The following SEPHS1 variants were observed in gnomAD, a reference collection of about 807,000 sequenced individuals.
SEPHS1 encodes the protein selenophosphate synthetase 1, also known as zincore component SEPHS1.
Under a neutral mutation model 39.2 loss-of-function variants are expected in SEPHS1, and 7 were observed. That is an observed-to-expected ratio of 0.18 (90% CI 0.10 to 0.34). The LOEUF is 0.34. Ranked by LOEUF, SEPHS1 falls within the 10% of genes least tolerant of loss-of-function variation. SEPHS1 has a pLI of 1.00. For missense variants in SEPHS1, 253 were observed against 514.5 expected (o/e 0.49, Z 4.92); for synonymous variants, 190 against 195.5 (o/e 0.97, Z 0.23).
chr10:13,337,205 A>G (rs975165637), intron 3 of SEPHS1, among the ~76,000 whole-genome samples: 2 of 152,188 alleles, frequency 1.3e-5, no homozygotes, highest in Non-Finnish European at 2.9e-5. Context: ...TCAAGGATGT[A>G]TGAGATAAAC....
intron 1 of SEPHS1, among the ~76,000 whole-genome samples, chr10:13,346,198 C>T: frequency 6.6e-6 from 1 of 152,214 alleles, no homozygotes; most frequent in East Asian, 1.9e-4. Context: ...CTGGAACAAG[C>T]ACTCCTACGT....
At chr10:13,328,325 C>G (rs371046448) in intron 7 of SEPHS1, 26 bp downstream of exon 7, 34 of 1,492,364 alleles carry the variant, frequency 2.3e-5, no homozygotes, top group Non-Finnish European at 2.7e-5. Flanking sequence ...CCCCTGGGAC[C>G]GAAGCGCCCT....
Position 13,319,098 on chromosome 10 carries a change from T to C in SEPHS1, c.*44A>G, listed in dbSNP as rs185568518. The C allele has an allele frequency of 6.9e-5, 108 of 1,564,218 alleles. No homozygotes were observed. Among genetic ancestry groups the C allele is most frequent in the African/African-American group, 8.1e-5 (6 of 73,764 alleles). ...TCTTTAATTGAAGTGATAAGGGAAA[T>C]AGATCTATTTAAAAACAAAACCAAA... On this transcript the variant is annotated 3_prime_UTR_variant, in exon 9 of 9. Coordinates refer to ENST00000327347, the MANE Select transcript of SEPHS1 (RefSeq NM_012247.5).
At chr10:13,342,128 A>G (rs1015971590) in intron 2 of SEPHS1, among the ~76,000 whole-genome samples, 4 of 150,982 alleles carry the variant, frequency 2.6e-5, no homozygotes, top group South Asian at 2.1e-4. Flanking sequence ...TTAGCCAGGC[A>G]TGGTGGCGGG....
intron 4 of SEPHS1, among the ~76,000 whole-genome samples, chr10:13,334,240 C>T: frequency 6.6e-6 from 1 of 151,938 alleles, no homozygotes; most frequent in East Asian, 1.9e-4. Flanking sequence ...CTCTACGAAA[C>T]ATGTAAAAAT....
At chr10:13,339,906 T>C (rs1050354585) in intron 2 of SEPHS1, among the ~76,000 whole-genome samples, 1 of 152,194 alleles carries the variant, frequency 6.6e-6, no homozygotes, top group Non-Finnish European at 1.5e-5. Context: ...CTGTGGTTGG[T>C]TGAATCCCCC....
At chr10:13,328,528 C>T (rs1047501962) in intron 6 of SEPHS1, 78 bp from the exon 7 acceptor site, 112 of 1,012,786 alleles carry the variant, frequency 1.1e-4, no homozygotes, top group Non-Finnish European at 1.5e-4. Context: ...CTGAGAAAAA[C>T]AGCAACTTTT....
intron 8 of SEPHS1, among the ~76,000 whole-genome samples, 170 bp downstream of exon 8, chr10:13,322,665 G>A (rs998203707): frequency 1.3e-5 from 2 of 152,184 alleles, no homozygotes; most frequent in Non-Finnish European, 2.9e-5. Context: ...CAGGATGGCG[G>A]GGACCAGACC....
At chr10:13,345,761 C>G (rs1194655138) in intron 1 of SEPHS1, among the ~76,000 whole-genome samples, 3 of 152,202 alleles carry the variant, frequency 2.0e-5, no homozygotes, top group Non-Finnish European at 4.4e-5. Flanking sequence ...CCTGTAATCC[C>G]AGCTACTTGG....
intron 4 of SEPHS1, among the ~76,000 whole-genome samples, chr10:13,335,444 T>C (rs1833598118): frequency 6.6e-6 from 1 of 151,662 alleles, no homozygotes; most frequent in Non-Finnish European, 1.5e-5. Flanking sequence ...AGTGGGTGGA[T>C]CACGAGCTCA....
At chr10:13,335,280 G>C (rs1833591719) in intron 4 of SEPHS1, among the ~76,000 whole-genome samples, 1 of 152,324 alleles carries the variant, frequency 6.6e-6, no homozygotes, top group South Asian at 2.1e-4. Flanking sequence ...CCACAGCAGA[G>C]GGAGTGCCCT....
chr10:13,330,873 A>G (rs892828836), intron 5 of SEPHS1, among the ~76,000 whole-genome samples: 7 of 152,112 alleles, frequency 4.6e-5, no homozygotes, highest in Non-Finnish European at 7.4e-5. Context: ...TCTAGGGTAC[A>G]TGTACACAAC....
chr10:13,324,661 A>T (rs1833213140), intron 7 of SEPHS1, among the ~76,000 whole-genome samples: 1 of 152,060 alleles, frequency 6.6e-6, no homozygotes, highest in South Asian at 2.1e-4. Context: ...CCCAGGCTGG[A>T]GTGAGGTGGT....
At chr10:13,331,540 C>T (rs1833470144) in intron 5 of SEPHS1, among the ~76,000 whole-genome samples, 1 of 152,142 alleles carries the variant, frequency 6.6e-6, no homozygotes, top group South Asian at 2.1e-4. Flanking sequence ...TGCCATCGTG[C>T]CCGGCTAATT....
In SEPHS1 at chr10:13,347,586, C is replaced by G. The variant is rs1833963871; in HGVS notation, c.-79+414G>C. Among the ~76,000 whole-genome samples, 3 of 147,012 alleles carry G rather than the reference C, an allele frequency of 2.0e-5. No individual in the cohort carries two copies. The South Asian group carries it at 6.2e-4, about 31-fold the overall frequency. On this transcript the variant is annotated intron_variant, in intron 1 of 8. Coordinates refer to ENST00000327347, the MANE Select transcript of SEPHS1 (RefSeq NM_012247.5). Reference sequence around the variant, plus strand: ...GCACCCGCCCCGGGTCGACAGGGCCCGCGCGGAGAAAAGGGGAGGCGGGGA... The same window carrying G: ...GCACCCGCCCCGGGTCGACAGGGCCGGCGCGGAGAAAAGGGGAGGCGGGGA...
At chr10:13,327,640 C>A (rs1437831128) in intron 7 of SEPHS1, among the ~76,000 whole-genome samples, 1 of 152,178 alleles carries the variant, frequency 6.6e-6, no homozygotes, top group African/African-American at 2.4e-5. Context: ...GTGGTGAACA[C>A]TTTGGAAGAC....
chr10:13,338,960 A>G (rs1833715699), intron 2 of SEPHS1, 152 bp from the exon 3 acceptor site: 4 of 642,846 alleles, frequency 6.2e-6, no homozygotes. Context: ...AAGAAGCGTA[A>G]CTGAAATAAA....
At chr10:13,326,704 G>A (rs1833305969) in intron 7 of SEPHS1, among the ~76,000 whole-genome samples, 1 of 151,860 alleles carries the variant, frequency 6.6e-6, no homozygotes, top group Admixed American at 6.6e-5. Context: ...TGCACCAGGC[G>A]CAGCTAAAGA....
intron 5 of SEPHS1, among the ~76,000 whole-genome samples, chr10:13,331,821 C>T (rs971993383): frequency 1.2e-4 from 19 of 152,334 alleles, no homozygotes; most frequent in African/African-American, 2.9e-4. Context: ...ATCAGGCAGA[C>T]ACAAATCAAA....
Sources: allele counts gnomAD v4.1 joint callset (sites outside exome capture counted in the v4.1 genomes callset), GRCh38; gene constraint gnomAD v4.1.1; transcripts MANE v1.5; gene names NCBI Gene and HGNC (gene_info 2026-07-23, HGNC 2026-07-21).